RFPL2: variants seen among roughly 807,000 people sequenced by gnomAD.
RFPL2 encodes ret finger protein like 2.
In RFPL2, 13 loss-of-function variants were observed where a neutral mutation model predicts 17.8. That is an observed-to-expected ratio of 0.73 (90% CI 0.47 to 1.16). The LOEUF (loss-of-function observed/expected upper bound fraction) is 1.16, where lower values mean the gene tolerates loss of function less well. Ranked by LOEUF, RFPL2 falls within the 50% of genes most tolerant of loss-of-function variation. RFPL2 has a pLI of 0.00. For synonymous variants in RFPL2, 189 were observed against 180.9 expected (o/e 1.04, Z -0.36); for missense variants, 431 against 479.3 (o/e 0.90, Z 0.94).
In RFPL2 at chr22:32,202,320, A is replaced by T. The variant is rs754507073; in HGVS notation, c.119+13T>A. On this transcript the variant is annotated intron_variant, in intron 2 of 4. Transcript: ENST00000652607. ...CCCTGGAGCAATGCGGAAAACCCAG[A>T]ATTGTCTCTCACCTCAGGCTCCTTA... is the stretch of plus-strand genomic sequence containing the variant. 1 of 1,582,450 alleles carries T rather than the reference A, an allele frequency of 6.3e-7. No individual in the cohort carries two copies. The highest frequency in any genetic ancestry group is 1.2e-5 in the South Asian group (1 of 86,092).
At chr22:32,197,517 C>T (rs755767034) in intron 2 of RFPL2, among the ~76,000 whole-genome samples, 20 of 151,872 alleles carry the variant, frequency 1.3e-4, no homozygotes, top group Non-Finnish European at 1.5e-4. Flanking sequence ...GTTAACTCGT[C>T]GTTTACATTA....
Position 32,204,821 on chromosome 22 carries a change from G to A in RFPL2, c.-214C>T, listed in dbSNP as rs748889087. Among the ~76,000 whole-genome samples the A allele has an allele frequency of 2.0e-5, 3 of 152,328 alleles. No individual in the cohort carries two copies. The highest frequency in any genetic ancestry group is 2.9e-5 in the Non-Finnish European group (2 of 68,034). ...GTTTCTGGACTACATGTTCAGATTG[G>A]ATGAGAGAAAAACCTCTAGGTCTAC... On this transcript the variant is annotated 5_prime_UTR_variant, in exon 1 of 5. Transcript: ENST00000652607.
intron 2 of RFPL2, among the ~76,000 whole-genome samples, chr22:32,194,998 TA>T (rs1050041878): frequency 5.3e-5 from 8 of 151,422 alleles, no homozygotes; most frequent in African/African-American, 4.8e-5. Flanking sequence ...AGTCACAATT[TA>T]AAAAAAAAGA....
intron 1 of RFPL2, 93 bp from the exon 2 acceptor site, chr22:32,202,643 C>A (rs2123819608): frequency 1.4e-6 from 2 of 1,411,572 alleles, no homozygotes; most frequent in Non-Finnish European, 1.8e-6. Flanking sequence ...GTACTCACAC[C>A]CACACTTCAA....
intron 2 of RFPL2, among the ~76,000 whole-genome samples, chr22:32,199,477 CTG>C (rs1333545237): frequency 6.6e-6 from 1 of 152,194 alleles, no homozygotes; most frequent in Non-Finnish European, 1.5e-5. Context: ...TCAGGAGAGA[CTG>C]ATCTGGGAGC....
chr22:32,193,327 A>G, intron 3 of RFPL2, 135 bp from the exon 4 acceptor site: 1 of 1,583,736 alleles, frequency 6.3e-7, no homozygotes, highest in Admixed American at 1.7e-5. Flanking sequence ...GACCATGAGT[A>G]CAAACACTCA....
In RFPL2 at chr22:32,190,733, A is replaced by C; in HGVS notation, c.*39T>G. 1 of 1,498,346 alleles carries C rather than the reference A, an allele frequency of 6.7e-7. No homozygotes were observed. Among genetic ancestry groups the C allele is most frequent in the East Asian group, 2.3e-5 (1 of 43,550 alleles). 92.8% of individuals were successfully genotyped at this position (1,498,346 alleles called of 1,614,324 possible). A position where few individuals can be genotyped will look rare whatever the true frequency, so the allele number is the denominator to read the frequency against. ...GTTCCTAAGTCTACCCACCCAAGTA[A>C]TTTTCTTACCCTGTTTTTTGTTTTT... On this transcript the variant is annotated 3_prime_UTR_variant, in exon 5 of 5. Transcript: ENST00000652607.
chr22:32,199,315 C>T (rs554968398), intron 2 of RFPL2, among the ~76,000 whole-genome samples: 1 of 152,218 alleles, frequency 6.6e-6, no homozygotes, highest in South Asian at 2.1e-4. Context: ...ACCAAGAACT[C>T]CTGAATTCAA....
At chr22:32,203,750 C>T (rs1205031659) in intron 1 of RFPL2, among the ~76,000 whole-genome samples, 1 of 150,924 alleles carries the variant, frequency 6.6e-6, no homozygotes, top group Admixed American at 6.6e-5. Flanking sequence ...TCCCAGGTAG[C>T]GCCCCCAATC....
Position 32,193,230 on chromosome 22 carries a change from A to G in RFPL2, c.266-38T>C, listed in dbSNP as rs3959623. 7 of 1,613,902 alleles carry G rather than the reference A, an allele frequency of 4.3e-6. No individual in the cohort carries two copies. The African/African-American group carries it at 6.7e-5, about 15-fold the overall frequency. On this transcript the variant is annotated intron_variant, in intron 3 of 4. Transcript: ENST00000652607. ...AAGTACACAAGGTAAAAAAATTTCCATGAGGTGAAAGCCTGTTAGTTGTGA... is the reference window on the plus strand; with the variant it reads ...AAGTACACAAGGTAAAAAAATTTCCGTGAGGTGAAAGCCTGTTAGTTGTGA...
At chr22:32,195,113 C>A (rs533268197) in intron 2 of RFPL2, among the ~76,000 whole-genome samples, 1 of 152,144 alleles carries the variant, frequency 6.6e-6, no homozygotes, top group Non-Finnish European at 1.5e-5. Flanking sequence ...CGTCTTCATG[C>A]CTTTCTGTGT....
intron 1 of RFPL2, chr22:32,203,208 G>T: frequency 3.6e-6 from 2 of 550,304 alleles, no homozygotes; most frequent in Non-Finnish European, 4.6e-6. Context: ...AGCGCAGCCC[G>T]GGATAACTCC....
Position 32,191,037 on chromosome 22 carries a change from G to A in RFPL2, c.872C>T (p.Thr291Met), listed in dbSNP as rs766689104. Reference sequence around the variant, plus strand: ...TACGAAGAGGAAAGTCAGCGGCACCGTGGTGGCAGAGAGGCGGCCTCCATC... The same window carrying A: ...TACGAAGAGGAAAGTCAGCGGCACCATGGTGGCAGAGAGGCGGCCTCCATC... Reference protein sequence around the residue: ...LRDGGRLSATTVPLTFLFVDR... With the variant: ...LRDGGRLSATMVPLTFLFVDR... The change falls in exon 5 of 5, where the codon ACG becomes ATG. Residue 291 changes from threonine to methionine, a missense_variant. Physicochemically the swap from Thr to Met is moderately conservative, Grantham distance 81. Coordinates refer to ENST00000652607, the MANE Select transcript of RFPL2 (RefSeq NM_001394555.1). The A allele has an allele frequency of 3.1e-6, 5 of 1,613,894 alleles. No individual in the cohort carries two copies. The highest frequency in any genetic ancestry group is 1.7e-5 in the Admixed American group (1 of 60,004).
chr22:32,191,214 C>T lies in RFPL2; in HGVS notation c.695G>A (p.Gly232Asp), dbSNP rs1359117895. The change falls in exon 5 of 5, where the codon GGC (glycine) becomes GAC (aspartate). Residue 232 changes from glycine (G) to aspartate (D), a missense_variant. Coordinates refer to ENST00000652607, the MANE Select transcript of RFPL2 (RefSeq NM_001394555.1). ...GCGGCCACAGGTAAAGCGAGGGGAG[C>T]CCAGGATGCAAACGGACACGTCAAA... is the stretch of plus-strand genomic sequence containing the variant. ...ERFDVSVCIL[G>D]SPRFTCGRHC... 6.2e-7 allele frequency: 1 copy of T among 1,613,830 alleles called. No homozygotes were observed. The highest frequency in any genetic ancestry group is 1.3e-5 in the African/African-American group (1 of 74,904).
chr22:32,199,391 C>T (rs116616934), intron 2 of RFPL2, among the ~76,000 whole-genome samples: 87 of 152,294 alleles, frequency 5.7e-4, no homozygotes, highest in African/African-American at 1.3e-3. Flanking sequence ...GGTCTCTAAC[C>T]GGACTCCACA....
At chr22:32,202,636 C>A in intron 1 of RFPL2, 86 bp from the exon 2 acceptor site, 2 of 1,418,844 alleles carry the variant, frequency 1.4e-6, no homozygotes, top group Non-Finnish European at 1.8e-6. Context: ...AGCGAAGGTA[C>A]TCACACCCAC....
At chr22:32,197,090 A>G (rs1206832732) in intron 2 of RFPL2, among the ~76,000 whole-genome samples, 2 of 152,222 alleles carry the variant, frequency 1.3e-5, no homozygotes, top group Admixed American at 1.3e-4. Context: ...CTCAGGAGAA[A>G]CTATAGGTTT....
In RFPL2 at chr22:32,194,135, C is replaced by T. The variant is rs535736328; in HGVS notation, c.265+210G>A. ...AAATAAAAAAAATTACATCCTTCTCCAGCCTTGGAAGTGAATACCAAATTG... is the reference window on the plus strand; with the variant it reads ...AAATAAAAAAAATTACATCCTTCTCTAGCCTTGGAAGTGAATACCAAATTG... On this transcript the variant is annotated intron_variant, in intron 3 of 4. Transcript: ENST00000652607. 3.3e-5 allele frequency among the ~76,000 whole-genome samples: 5 copies of T among 152,214 alleles called. No individual in the cohort carries two copies. The East Asian group carries it at 9.6e-4, about 29-fold the overall frequency.
chr22:32,192,999 G>T lies in RFPL2; in HGVS notation c.459C>A (p.Arg153=). 3 of 1,614,140 alleles carry T rather than the reference G, an allele frequency of 1.9e-6. No homozygotes were observed. In the South Asian group the frequency reaches 3.3e-5, roughly 18 times the overall value. The change falls in exon 4 of 5, where the codon CGC becomes CGA. Residue 153 remains arginine, a synonymous_variant. Coordinates refer to ENST00000652607, the MANE Select transcript of RFPL2 (RefSeq NM_001394555.1). ...AAGCCAGCCTCTCTAGCTGCCGATT[G>T]CGCCTGATTTTGTTCTTCCGAGAGA... is the stretch of plus-strand genomic sequence containing the variant. The part of the protein sequence containing the change: ...SMVSRKNKIR[R]NRQLERLASH...
Sources: gnomAD v4.1 joint callset for allele counts (sites outside exome capture counted in the v4.1 genomes callset) on GRCh38, gnomAD v4.1.1 for gene constraint, MANE v1.5 for transcripts, NCBI Gene and HGNC (gene_info 2026-07-23, HGNC 2026-07-21) for gene names.